The following SUMF1 variants were observed in gnomAD, a reference collection of about 807,000 sequenced individuals.
SUMF1 encodes the protein sulfatase modifying factor 1.
A neutral mutation model predicts 47.6 loss-of-function variants in SUMF1; 48 were observed. The ratio of observed to expected loss-of-function variants is 1.01; its 90% CI spans 0.80 to 1.28. SUMF1 has a LOEUF of 1.28. SUMF1 is among the 50% of genes most tolerant of loss of function. SUMF1 has a pLI of 0.00. For synonymous variants in SUMF1, 230 were observed against 192.1 expected, an observed-to-expected ratio of 1.20 and a Z score of -1.63; for missense variants, 571 against 485.4, an observed-to-expected ratio of 1.18 and a Z score of -1.66.
At chr3:4,264,450 T>A (rs1697148418) in intron 8 of SUMF1, among the ~76,000 whole-genome samples, 1 of 152,028 alleles carries the variant, frequency 6.6e-6, no homozygotes, top group South Asian at 2.1e-4. Flanking sequence ...GAGGTTGGAG[T>A]GATGAACATT....
chr3:4,063,442 C>T (rs1213110889), intron 9 of SUMF1, among the ~76,000 whole-genome samples: 1 of 152,048 alleles, frequency 6.6e-6, no homozygotes, highest in African/African-American at 2.4e-5. Flanking sequence ...AATGCTAAAA[C>T]CCCACCCCAA....
chr3:4,114,113 G>A (rs1472542430), intron 8 of SUMF1, among the ~76,000 whole-genome samples: 1 of 151,968 alleles, frequency 6.6e-6, no homozygotes, highest in East Asian at 1.9e-4. Flanking sequence ...CTTAAATTGA[G>A]GAACCAAATA....
At chr3:4,038,372 C>G (rs537027285) in intron 9 of SUMF1, among the ~76,000 whole-genome samples, 2 of 152,048 alleles carry the variant, frequency 1.3e-5, no homozygotes, top group African/African-American at 4.8e-5. Context: ...CCCCATAGGT[C>G]GACTGCAGCT....
At chr3:4,198,693 G>A (rs553815195) in intron 8 of SUMF1, among the ~76,000 whole-genome samples, 7 of 152,106 alleles carry the variant, frequency 4.6e-5, no homozygotes, top group African/African-American at 1.7e-4. Flanking sequence ...GGAGTAATTA[G>A]AGGAAGATCT....
chr3:4,090,645 T>A (rs1399007318), intron 8 of SUMF1, among the ~76,000 whole-genome samples: 1 of 152,048 alleles, frequency 6.6e-6, no homozygotes, highest in Non-Finnish European at 1.5e-5. Flanking sequence ...ACCCCCCATA[T>A]TTGTTATTGT....
chr3:4,194,409 T>C (rs1695384909), intron 8 of SUMF1, among the ~76,000 whole-genome samples: 1 of 152,174 alleles, frequency 6.6e-6, no homozygotes, highest in Non-Finnish European at 1.5e-5. Context: ...ATGTGTTATG[T>C]GCATCTGAGT....
In SUMF1 at chr3:4,335,959, T is replaced by TCAAAAAAAA. The variant is rs1347524038; in HGVS notation, c.1014+40362_1014+40370dup. Among the ~76,000 whole-genome samples, 11 of 6,804 alleles carry TCAAAAAAAA rather than the reference T, an allele frequency of 1.6e-3. 2 individuals are homozygous for TCAAAAAAAA. The highest frequency in any genetic ancestry group is 3.0e-3 in the African/African-American group (2 of 662). The allele number at this position is 6,804 out of a possible 152,430, so 4.5% of individuals were successfully genotyped here. On this transcript the variant is annotated intron_variant and NMD_transcript_variant, in intron 8 of 12. Transcript: ENST00000448413. ...CTGGACAACTGAGTGAGATTCCAAC[T>TCAAAAAAAA]CAAAAAAAAAAAAAAAAAAAACAGA... is the stretch of plus-strand genomic sequence containing the variant.
At chr3:4,317,224 G>A (rs180978307) in intron 8 of SUMF1, 1 of 1,543,212 alleles carries the variant, frequency 6.5e-7, no homozygotes, top group African/African-American at 1.4e-5. Flanking sequence ...TGTGTTGATT[G>A]TAATGGTTCC....
intron 8 of SUMF1, among the ~76,000 whole-genome samples, chr3:4,330,808 T>C (rs74910814): frequency 0.011 from 1,693 of 152,344 alleles, 22 homozygotes; most frequent in African/African-American, 0.037. Context: ...TTACTAATGC[T>C]GAAGCCAATT....
chr3:4,259,491 CT>C (rs1261039600), intron 8 of SUMF1, among the ~76,000 whole-genome samples: 1 of 152,018 alleles, frequency 6.6e-6, no homozygotes, highest in African/African-American at 2.4e-5. Context: ...ATATTTCTGT[CT>C]TTTTGACAAA....
chr3:4,151,656 T>C (rs898996500), intron 8 of SUMF1, among the ~76,000 whole-genome samples: 2 of 148,146 alleles, frequency 1.4e-5, no homozygotes, highest in African/African-American at 5.1e-5. Flanking sequence ...AGAAGAAGAA[T>C]TGATTTGGGC....
intron 7 of SUMF1, among the ~76,000 whole-genome samples, chr3:4,382,226 G>A (rs982379600): frequency 4.0e-5 from 6 of 151,826 alleles, no homozygotes; most frequent in African/African-American, 1.5e-4. Flanking sequence ...TAATCTTATC[G>A]GTGTCACGAT....
intron 8 of SUMF1, among the ~76,000 whole-genome samples, chr3:4,142,163 A>T (rs1370508870): frequency 1.3e-5 from 2 of 152,140 alleles, no homozygotes; most frequent in African/African-American, 4.8e-5. Context: ...CTCCTCTCCA[A>T]AATTTCGCAA....
chr3:4,371,362 C>T (rs534551934), intron 8 of SUMF1, among the ~76,000 whole-genome samples: 22 of 152,284 alleles, frequency 1.4e-4, no homozygotes, highest in Non-Finnish European at 2.5e-4. Flanking sequence ...AGATCCTGGA[C>T]TTGGGAACAA....
At chr3:4,132,495 C>T (rs1421827316) in intron 8 of SUMF1, among the ~76,000 whole-genome samples, 1 of 152,062 alleles carries the variant, frequency 6.6e-6, no homozygotes, top group East Asian at 1.9e-4. Context: ...TACTGTTTCT[C>T]CCATAGCCAG....
chr3:4,389,551 A>C (rs978359555), intron 7 of SUMF1, among the ~76,000 whole-genome samples: 3 of 152,196 alleles, frequency 2.0e-5, no homozygotes, highest in Non-Finnish European at 4.4e-5. Context: ...GACTCTTCTC[A>C]TGCTGTCTTC....
chr3:4,067,574 G>A (rs1437000920), intron 9 of SUMF1, among the ~76,000 whole-genome samples: 4 of 152,198 alleles, frequency 2.6e-5, no homozygotes, highest in East Asian at 1.9e-4. Context: ...ATTCTGTACA[G>A]GAGGCAATTG....
intron 8 of SUMF1, among the ~76,000 whole-genome samples, chr3:4,175,040 C>T (rs913519505): frequency 6.6e-6 from 1 of 152,226 alleles, no homozygotes; most frequent in Non-Finnish European, 1.5e-5. Context: ...GAAGCTCAAA[C>T]TGGGTGGGAC....
At chr3:4,280,429 G>C (rs1697503836) in intron 8 of SUMF1, among the ~76,000 whole-genome samples, 1 of 151,998 alleles carries the variant, frequency 6.6e-6, no homozygotes, top group Non-Finnish European at 1.5e-5. Context: ...TCACGGTCTA[G>C]AGGTACTGAA....
Sources: gnomAD v4.1 joint callset for allele counts (sites outside exome capture counted in the v4.1 genomes callset) on GRCh38, gnomAD v4.1.1 for gene constraint, MANE v1.5 for transcripts, NCBI Gene and HGNC (gene_info 2026-07-23, HGNC 2026-07-21) for gene names.